The following PRG2 variants were observed in gnomAD, a reference collection of about 807,000 sequenced individuals.
The protein encoded by PRG2 is bone marrow proteoglycan.
In PRG2, 23 loss-of-function variants were observed where a neutral mutation model predicts 24.7. That is an observed-to-expected ratio of 0.93 (90% CI 0.67 to 1.32). The LOEUF (loss-of-function observed/expected upper bound fraction) is 1.32, where lower values mean the gene tolerates loss of function less well. Among genes scored for constraint, PRG2 ranks in the 40% most tolerant of loss-of-function variants. The probability of loss-of-function intolerance (pLI) is 0.00; values close to 1 mark genes in which losing one functional copy is unlikely to be tolerated. For synonymous variants in PRG2, 104 were observed against 99.8 expected (o/e 1.04, Z -0.25); for missense variants, 271 against 280.9 (o/e 0.96, Z 0.25).
intron 1 of PRG2, 110 bp from the exon 2 acceptor site, chr11:57,390,066 G>A (rs1857128929): frequency 1.1e-6 from 1 of 919,062 alleles, no homozygotes; most frequent in African/African-American, 1.7e-5. Flanking sequence ...AAGAAGGCCT[G>A]AATAGAAATC....
At chr11:57,389,981 A>G (rs1415603876) in intron 1 of PRG2, 25 bp from the exon 2 acceptor site, 1 of 1,566,948 alleles carries the variant, frequency 6.4e-7, no homozygotes, top group Admixed American at 1.7e-5. Context: ...ACAGTTTGTC[A>G]TTGACACACA....
intron 1 of PRG2, among the ~76,000 whole-genome samples, 180 bp from the exon 2 acceptor site, chr11:57,390,136 C>G (rs1376606157): frequency 6.6e-6 from 1 of 152,278 alleles, no homozygotes; most frequent in East Asian, 1.9e-4. Context: ...ATCCAGGACG[C>G]AAGGACCTCT....
chr11:57,389,035 C>G lies in PRG2; in HGVS notation c.341G>C (p.Ser114Thr). Reference sequence around the variant, plus strand: ...CCAAGCTTGACTAAACGTCTGAAGACTTCTCACCAGGAGGTAGCGGCAGGT... The same window carrying G: ...CCAAGCTTGACTAAACGTCTGAAGAGTTCTCACCAGGAGGTAGCGGCAGGT... ...CQTCRYLLVR[S>T]LQTFSQAWFT... Residue 114 changes from serine (S) to threonine (T), a missense_variant, in exon 3 of 6, where the codon AGT (serine) becomes ACT (threonine). Physicochemically the swap from Ser to Thr is moderately conservative, Grantham distance 58 (BLOSUM62 1). Coordinates refer to ENST00000311862, the MANE Select transcript of PRG2 (RefSeq NM_002728.6). 6.2e-7 allele frequency: 1 copy of G among 1,614,076 alleles called. No homozygotes were observed. Among genetic ancestry groups the G allele is most frequent in the Non-Finnish European group, 8.5e-7 (1 of 1,179,990 alleles).
chr11:57,388,463 C>A (rs1436303453), intron 4 of PRG2, 114 bp downstream of exon 4: 8 of 1,492,218 alleles, frequency 5.4e-6, no homozygotes, highest in Non-Finnish European at 7.3e-6. Context: ...GGGTGTCCAT[C>A]TATCCCTGGT....
At chr11:57,390,437 G>T in intron 1 of PRG2, 159 bp downstream of exon 1, 1 of 263,182 alleles carries the variant, frequency 3.8e-6, no homozygotes, top group Non-Finnish European at 5.9e-6. Context: ...CAGAAGGAAT[G>T]TGCAAGGCAG....
At chr11:57,390,563 C>T (rs969245878) in intron 1 of PRG2, 33 bp downstream of exon 1, 11 of 983,886 alleles carry the variant, frequency 1.1e-5, no homozygotes, top group African/African-American at 1.7e-5. Context: ...AATAAACTGT[C>T]ACCAGCTCCA....
chr11:57,388,251 C>T (rs570337648), intron 4 of PRG2, among the ~76,000 whole-genome samples: 7 of 151,984 alleles, frequency 4.6e-5, no homozygotes, highest in East Asian at 3.9e-4. Context: ...CTCGGCTCAC[C>T]GCAACCTCTG....
At position 57,387,275 on chromosome 11, in the gene PRG2, A is replaced by G. The variant is rs1857061629; in HGVS notation, c.*200T>C. The G allele has an allele frequency of 7.5e-6, 4 of 531,260 alleles. No homozygotes were observed. The South Asian group carries it at 1.0e-4, about 14-fold the overall frequency. 32.9% of individuals were successfully genotyped at this position (531,260 alleles called of 1,614,324 possible). ...AGTAGTAGCTTCTGACACTTCTATG[A>G]AAGTTGTGGTGTGGGGAGAGATGAT... On this transcript the variant is annotated 3_prime_UTR_variant, in exon 6 of 6. Coordinates refer to ENST00000311862, the MANE Select transcript of PRG2 (RefSeq NM_002728.6).
Position 57,387,379 on chromosome 11 carries a change from A to C in PRG2, c.*96T>G, listed in dbSNP as rs763407755. 50 of 1,099,552 alleles carry C rather than the reference A, an allele frequency of 4.5e-5. No homozygotes were observed. The highest frequency in any genetic ancestry group is 6.7e-5 in the Non-Finnish European group (50 of 744,582). The allele number at this position is 1,099,552 out of a possible 1,614,324, so 68.1% of individuals were successfully genotyped here. ...AAATAAATCCATTTCAGTAAAACCCATTTTATTGCAGGGAGGTGGAGGGAG... is the reference window on the plus strand; with the variant it reads ...AAATAAATCCATTTCAGTAAAACCCCTTTTATTGCAGGGAGGTGGAGGGAG... On this transcript the variant is annotated 3_prime_UTR_variant, in exon 6 of 6. Transcript: ENST00000311862.
At chr11:57,390,482 C>G (rs1857135764) in intron 1 of PRG2, 114 bp downstream of exon 1, 1 of 654,360 alleles carries the variant, frequency 1.5e-6, no homozygotes, top group East Asian at 1.4e-4. Flanking sequence ...ATCCTCATAA[C>G]CTGAAAGCCA....
At chr11:57,387,717 C>G (rs1274496171) in intron 5 of PRG2, 37 bp downstream of exon 5, 4 of 1,504,396 alleles carry the variant, frequency 2.7e-6, no homozygotes, top group Non-Finnish European at 3.6e-6. Flanking sequence ...TCCCATCTCC[C>G]AGACCTTTCC....
At chr11:57,389,980 C>A in intron 1 of PRG2, 24 bp from the exon 2 acceptor site, 1 of 1,566,196 alleles carries the variant, frequency 6.4e-7, no homozygotes. Context: ...CACAGTTTGT[C>A]ATTGACACAC....
At chr11:57,390,454 A>T (rs1204574995) in intron 1 of PRG2, 142 bp downstream of exon 1, 1 of 357,540 alleles carries the variant, frequency 2.8e-6, no homozygotes, top group Non-Finnish European at 3.9e-6. Context: ...GCAGAGGATG[A>T]AGGCTGCCCC....
Position 57,388,682 on chromosome 11 carries a change from G to A in PRG2, c.393C>T (p.Gly131=). Residue 131 remains glycine (G), a synonymous_variant, in exon 4 of 6, where the codon GGC becomes GGT. Transcript: ENST00000311862. Reference sequence around the variant, plus strand: ...TGAAGTTGTGGATGGAAACCAGGTTGCCCCTGTAGCACCTCCGGCAAGTAA... The same window carrying A: ...TGAAGTTGTGGATGGAAACCAGGTTACCCCTGTAGCACCTCCGGCAAGTAA... ...AWFTCRRCYR[G]NLVSIHNFNI... The A allele has an allele frequency of 1.2e-6, 2 of 1,614,054 alleles. No individual in the cohort carries two copies. Among genetic ancestry groups the A allele is most frequent in the East Asian group, 2.2e-5 (1 of 44,886 alleles).
intron 5 of PRG2, 103 bp from the exon 6 acceptor site, chr11:57,387,636 T>A (rs1478182256): frequency 7.2e-7 from 1 of 1,384,136 alleles, no homozygotes; most frequent in Non-Finnish European, 1.0e-6. Flanking sequence ...GGAGTCAGAG[T>A]ATATAAAAGA....
At chr11:57,390,009 A>C in intron 1 of PRG2, 53 bp from the exon 2 acceptor site, 1 of 1,438,572 alleles carries the variant, frequency 7.0e-7, no homozygotes. Context: ...ACATGCACAC[A>C]CATCACAATC....
intron 1 of PRG2, 128 bp from the exon 2 acceptor site, chr11:57,390,084 GC>G: frequency 1.3e-6 from 1 of 768,524 alleles, no homozygotes. Context: ...ATCAGGATGG[GC>G]CAGAAAAGCT....
chr11:57,390,626 C>T lies in PRG2; in HGVS notation c.-43G>A. On this transcript the variant is annotated 5_prime_UTR_variant, in exon 1 of 6. Transcript: ENST00000311862. ...CAGAGACCTTCCTGGGTCTTTAGAT[C>T]TTCCCAAAGCCCAGGTCCTTCTTTG... 1.0e-6 allele frequency: 1 copy of T among 985,516 alleles called. No individual in the cohort carries two copies. The highest frequency in any genetic ancestry group is 4.7e-5 in the South Asian group (1 of 21,282). The allele number at this position is 985,516 out of a possible 1,614,324, so 61.0% of individuals were successfully genotyped here.
In PRG2 at chr11:57,388,588, T is replaced by A. The variant is rs148335550; in HGVS notation, c.487A>T (p.Ile163Phe). 2.1e-4 allele frequency: 344 copies of A among 1,613,782 alleles called. 2 individuals carry two copies. The highest frequency in any genetic ancestry group is 2.6e-4 in the Non-Finnish European group (306 of 1,179,852). Reference sequence around the variant, plus strand: ...CACACTTCTCTTACCGAGCCTGTGATCCTGCCTCCAATCCAGACTTGACCC... The same window carrying A: ...CACACTTCTCTTACCGAGCCTGTGAACCTGCCTCCAATCCAGACTTGACCC... The part of the protein sequence containing the change: ...NQGQVWIGGR[I>F]TGSGRCRRFQ... The change falls in exon 4 of 6, where the codon ATC (isoleucine) becomes TTC (phenylalanine). Residue 163 changes from isoleucine (I) to phenylalanine (F), a missense_variant. Transcript: ENST00000311862.
Sources: gnomAD v4.1 joint callset for allele counts (sites outside exome capture counted in the v4.1 genomes callset) on GRCh38, gnomAD v4.1.1 for gene constraint, MANE v1.5 for transcripts, NCBI Gene and HGNC (gene_info 2026-07-23, HGNC 2026-07-21) for gene names.